Variants in DIAPH2 observed in about 807,000 individuals in gnomAD.
The protein encoded by DIAPH2 is diaphanous related formin 2.
A neutral mutation model predicts 92.7 loss-of-function variants in DIAPH2; 35 were observed. The observed-to-expected ratio is 0.38, with a 90% CI of 0.29 to 0.50. The LOEUF (loss-of-function observed/expected upper bound fraction) is 0.50, where lower values mean the gene tolerates loss of function less well. Ranked by LOEUF, DIAPH2 falls within the 20% of genes least tolerant of loss-of-function variation. The probability of loss-of-function intolerance (pLI) is 0.94; values close to 1 mark genes in which losing one functional copy is unlikely to be tolerated. For synonymous variants in DIAPH2, 301 were observed against 280.4 expected, an observed-to-expected ratio of 1.07 and a Z score of -0.73; for missense variants, 701 against 819.5, an observed-to-expected ratio of 0.86 and a Z score of 1.77.
intron 23 of DIAPH2, among the ~76,000 whole-genome samples, chrX:97,262,425 T>C (rs1003913339): frequency 1.8e-5 from 2 of 111,462 alleles, no homozygotes; most frequent in Non-Finnish European, 3.8e-5. Context: ...CAAACACACG[T>C]AAGGTATAAC....
At chrX:97,147,936 C>T (rs191172264) in intron 22 of DIAPH2, among the ~76,000 whole-genome samples, 3 of 111,179 alleles carry the variant, frequency 2.7e-5, no homozygotes, top group African/African-American at 9.8e-5. Flanking sequence ...TCTATGGATT[C>T]ATTCCATAGT....
intron 26 of DIAPH2, among the ~76,000 whole-genome samples, chrX:97,515,382 G>A (rs184535595): frequency 5.8e-4 from 65 of 112,366 alleles, no homozygotes; most frequent in African/African-American, 1.6e-3. Context: ...CGCACGGTGC[G>A]CGCACCCACT....
intron 25 of DIAPH2, among the ~76,000 whole-genome samples, chrX:97,397,475 T>C (rs2069715846): frequency 8.9e-6 from 1 of 111,768 alleles, no homozygotes; most frequent in Non-Finnish European, 1.9e-5. Context: ...TGGGGCATCA[T>C]TAAATAGGAT....
intron 4 of DIAPH2, among the ~76,000 whole-genome samples, chrX:96,876,075 C>G (rs1287179968): frequency 1.3e-4 from 14 of 111,850 alleles, no homozygotes; most frequent in Non-Finnish European, 1.7e-4. Flanking sequence ...AAGAAAAAAA[C>G]AACTCCATCA....
At chrX:96,918,926 T>C (rs899762478) in intron 9 of DIAPH2, among the ~76,000 whole-genome samples, 1 of 112,074 alleles carries the variant, frequency 8.9e-6, no homozygotes, top group Admixed American at 9.5e-5. Context: ...CCAATGCCAT[T>C]ATCCTAACAA....
At chrX:96,900,111 G>T (rs1411014275) in intron 5 of DIAPH2, among the ~76,000 whole-genome samples, 1 of 112,103 alleles carries the variant, frequency 8.9e-6, no homozygotes, top group Admixed American at 9.5e-5. Flanking sequence ...ATGAGCATGG[G>T]ATGTGGTTCC....
intron 26 of DIAPH2, among the ~76,000 whole-genome samples, chrX:97,464,217 C>T: frequency 1.0e-5 from 1 of 98,762 alleles, no homozygotes; most frequent in Non-Finnish European, 2.0e-5. Flanking sequence ...GTAATCCCAG[C>T]ACTTTGGGAG....
intron 23 of DIAPH2, among the ~76,000 whole-genome samples, chrX:97,325,048 C>T (rs988981421): frequency 2.7e-5 from 3 of 112,248 alleles, no homozygotes; most frequent in Non-Finnish European, 5.6e-5. Context: ...GATCCGCCCA[C>T]CTCGGCATCC....
chrX:97,529,280 C>G (rs2071044703), intron 26 of DIAPH2, among the ~76,000 whole-genome samples: 1 of 111,285 alleles, frequency 9.0e-6, no homozygotes, highest in African/African-American at 3.3e-5. Flanking sequence ...ATAGATTTCC[C>G]AAGATCACAT....
chrX:96,928,820 A>G lies in DIAPH2; in HGVS notation c.979-1913A>G, dbSNP rs750465002. ...AACGTCTTTGTTTTCATATTAAACT[A>G]TATGTTCATACATTGTATGTAAAGT... On this transcript the variant is annotated intron_variant, in intron 9 of 26. Coordinates refer to ENST00000324765, the MANE Select transcript of DIAPH2 (RefSeq NM_006729.5). Among the ~76,000 whole-genome samples the G allele has an allele frequency of 4.5e-5, 5 of 111,579 alleles. No homozygotes were observed. In the East Asian group the frequency reaches 1.1e-3, roughly 25 times the overall value.
chrX:97,104,633 A>G (rs1164574243), intron 20 of DIAPH2, among the ~76,000 whole-genome samples: 1 of 110,567 alleles, frequency 9.0e-6, no homozygotes, highest in African/African-American at 3.3e-5. Context: ...CTCCTGCTTC[A>G]GCCTCCCAAA....
At chrX:96,914,126 A>ATATT (rs1208924937) in intron 7 of DIAPH2, among the ~76,000 whole-genome samples, 1 of 111,124 alleles carries the variant, frequency 9.0e-6, no homozygotes, top group Non-Finnish European at 1.9e-5. Context: ...AAGTATTTAT[A>ATATT]TATTATACAT....
At chrX:97,394,576 C>T (rs1041562202) in intron 25 of DIAPH2, among the ~76,000 whole-genome samples, 2 of 111,338 alleles carry the variant, frequency 1.8e-5, no homozygotes, top group African/African-American at 6.5e-5. Flanking sequence ...AAAGACTTAC[C>T]CAGGTCTTTG....
In DIAPH2 at chrX:97,427,035, G is replaced by A. The variant is rs1191143196; in HGVS notation, c.3146-2615G>A. Among the ~76,000 whole-genome samples the A allele has an allele frequency of 6.5e-5, 7 of 108,335 alleles. No individual in the cohort carries two copies. In the Middle Eastern group the frequency reaches 0.014, roughly 217 times the overall value. 94.1% of individuals were successfully genotyped at this position (108,335 alleles called of 115,157 possible). A position where few individuals can be genotyped will look rare whatever the true frequency, so the allele number is the denominator to read the frequency against. On this transcript the variant is annotated intron_variant, in intron 25 of 26. Coordinates refer to ENST00000324765, the MANE Select transcript of DIAPH2 (RefSeq NM_006729.5). ...CTACTGAAAAATACAAAAATTAGCC[G>A]GGCATGGTGGCAGGCGCCTGTAATC...
chrX:96,754,433 G>A (rs748552120), intron 3 of DIAPH2, among the ~76,000 whole-genome samples: 3 of 111,873 alleles, frequency 2.7e-5, no homozygotes, highest in Non-Finnish European at 3.8e-5. Context: ...ATAGTTTCTG[G>A]TGTGTAGTAT....
At chrX:97,244,393 A>G (rs191456357) in intron 22 of DIAPH2, among the ~76,000 whole-genome samples, 1 of 112,230 alleles carries the variant, frequency 8.9e-6, no homozygotes. Context: ...TGCCATTACT[A>G]TTGTGACCTA....
chrX:96,996,756 C>T (rs1011124666), intron 17 of DIAPH2, among the ~76,000 whole-genome samples: 7 of 111,248 alleles, frequency 6.3e-5, no homozygotes, highest in Admixed American at 1.9e-4. Flanking sequence ...GTATATATGC[C>T]ATGCATTTGG....
intron 17 of DIAPH2, among the ~76,000 whole-genome samples, chrX:97,058,621 A>C (rs1403047834): frequency 1.8e-5 from 2 of 109,990 alleles, no homozygotes; most frequent in Non-Finnish European, 3.8e-5. Context: ...TTGTCCTCTT[A>C]ATTGGCTGTT....
At chrX:96,898,384 C>T (rs2065363483) in intron 5 of DIAPH2, among the ~76,000 whole-genome samples, 1 of 93,866 alleles carries the variant, frequency 1.1e-5, no homozygotes, top group Non-Finnish European at 2.2e-5. Context: ...CTCTCCAGCA[C>T]CTGTTGTTTC....
Sources: allele counts gnomAD v4.1 joint callset (sites outside exome capture counted in the v4.1 genomes callset), GRCh38; gene constraint gnomAD v4.1.1; transcripts MANE v1.5; gene names NCBI Gene and HGNC (gene_info 2026-07-23, HGNC 2026-07-21).